ATRN: variants seen among roughly 807,000 people sequenced by gnomAD.
ATRN encodes the protein attractin.
Under a neutral mutation model 178.7 loss-of-function variants are expected in ATRN, and 54 were observed. The ratio of observed to expected loss-of-function variants is 0.30; its 90% CI spans 0.24 to 0.38. The LOEUF (loss-of-function observed/expected upper bound fraction) is 0.38. ATRN is among the 10% of genes least tolerant of loss of function. The pLI, the probability that ATRN is intolerant of heterozygous loss-of-function variation, is 1.00. For synonymous variants in ATRN, 636 were observed against 663.0 expected (o/e 0.96, Z 0.63); for missense variants, 1,443 against 1,815.1 (o/e 0.79, Z 3.73).
chr20:3,606,733 G>A lies in ATRN; in HGVS notation c.3801+2471G>A, dbSNP rs559489901. On this transcript the variant is annotated intron_variant, in intron 24 of 28. Transcript: ENST00000262919. ...TATTTCCTTACTTTACACGTTGTTG[G>A]ATTCAGTTTGCTAATATTTTGGTTA... Among the ~76,000 whole-genome samples, 14 of 152,278 alleles carry A rather than the reference G, an allele frequency of 9.2e-5. No homozygotes were observed. The South Asian group carries it at 2.3e-3, about 25-fold the overall frequency.
Position 3,487,990 on chromosome 20 carries a change from T to C in ATRN, c.410+16473T>C, listed in dbSNP as rs546710954. Among the ~76,000 whole-genome samples the C allele has an allele frequency of 2.8e-4, 42 of 152,328 alleles. No homozygotes were observed. In the South Asian group the frequency reaches 8.7e-3, roughly 32 times the overall value. ...GACCTAGGCCTCAGTGTCTTCCTTTTGAGCATTTAGATCCAGATTATTTTA... is the reference window on the plus strand; with the variant it reads ...GACCTAGGCCTCAGTGTCTTCCTTTCGAGCATTTAGATCCAGATTATTTTA... On this transcript the variant is annotated intron_variant, in intron 1 of 28. Transcript: ENST00000262919.
chr20:3,597,255 C>T (rs938216718), intron 21 of ATRN, among the ~76,000 whole-genome samples: 5 of 151,834 alleles, frequency 3.3e-5, no homozygotes, highest in African/African-American at 1.2e-4. Flanking sequence ...AGAAAATACT[C>T]GCACATCATC....
rs235551 is a variant in ATRN at position 3,638,048 on chromosome 20, A to G, written c.3943-780A>G. Among the ~76,000 whole-genome samples the G allele has an allele frequency of 0.87, 131,988 of 152,218 alleles. 57,618 individuals are homozygous for G. The highest frequency in any genetic ancestry group is 1 in the East Asian group (5,175 of 5,182). Reference sequence around the variant, plus strand: ...TAGTAGTAGAAATACGAGGAGATAGAGCCACACCATTTTATGTATTTGACA... The same window carrying G: ...TAGTAGTAGAAATACGAGGAGATAGGGCCACACCATTTTATGTATTTGACA... On this transcript the variant is annotated intron_variant, in intron 26 of 28. Coordinates refer to ENST00000262919, the MANE Select transcript of ATRN (RefSeq NM_139321.3). The surrounding 1 kb of genome is among the most constrained non-coding windows in gnomAD (Gnocchi z 4.5).
chr20:3,630,876 T>G (rs1225999247), intron 25 of ATRN, among the ~76,000 whole-genome samples: 1 of 143,640 alleles, frequency 7.0e-6, no homozygotes, highest in African/African-American at 2.6e-5. Flanking sequence ...GAAAATATTT[T>G]CCCAGGACAA....
At chr20:3,603,375 G>A (rs1423178179) in intron 23 of ATRN, among the ~76,000 whole-genome samples, 1 of 152,146 alleles carries the variant, frequency 6.6e-6, no homozygotes. Flanking sequence ...GCCAGTGCTT[G>A]TTAATAGGAT....
At chr20:3,613,383 C>G (rs1051896393) in intron 24 of ATRN, among the ~76,000 whole-genome samples, 1 of 152,172 alleles carries the variant, frequency 6.6e-6, no homozygotes, top group African/African-American at 2.4e-5. Flanking sequence ...CCGTATCTGG[C>G]TGTGCGCTAT....
intron 25 of ATRN, among the ~76,000 whole-genome samples, chr20:3,624,811 G>A (rs1212192158): frequency 1.3e-5 from 2 of 152,178 alleles, no homozygotes; most frequent in Non-Finnish European, 2.9e-5. Flanking sequence ...GGCTTTGCAT[G>A]TATCCTGTAT....
intron 28 of ATRN, 93 bp from the exon 29 acceptor site, chr20:3,646,630 C>T: frequency 7.0e-7 from 1 of 1,432,690 alleles, no homozygotes; most frequent in Non-Finnish European, 9.2e-7. Context: ...TGTTTTGCAC[C>T]ATGGGATTGA....
chr20:3,576,789 A>G (rs1424645120), intron 13 of ATRN, 70 bp from the exon 14 acceptor site: 3 of 1,546,870 alleles, frequency 1.9e-6, no homozygotes, highest in Non-Finnish European at 2.6e-6. Context: ...TGTCTATAAT[A>G]TCCTGTTGGT....
intron 24 of ATRN, among the ~76,000 whole-genome samples, chr20:3,616,708 G>T (rs1330990420): frequency 6.6e-6 from 1 of 152,172 alleles, no homozygotes; most frequent in Non-Finnish European, 1.5e-5. Flanking sequence ...CCGACGATCA[G>T]TGTTTAGAAA....
At chr20:3,500,217 C>G (rs181933235) in intron 1 of ATRN, among the ~76,000 whole-genome samples, 1 of 152,124 alleles carries the variant, frequency 6.6e-6, no homozygotes, top group African/African-American at 2.4e-5. Context: ...GAAATAGGAA[C>G]GCTTTTACAC....
chr20:3,577,805 C>T (rs2086232336), intron 14 of ATRN, among the ~76,000 whole-genome samples: 1 of 152,104 alleles, frequency 6.6e-6, no homozygotes, highest in Non-Finnish European at 1.5e-5. Context: ...TAGTCGACTG[C>T]TACACTGTGA....
At chr20:3,549,962 C>G (rs1368435824) in intron 6 of ATRN, among the ~76,000 whole-genome samples, 1 of 152,178 alleles carries the variant, frequency 6.6e-6, no homozygotes, top group Admixed American at 6.5e-5. Flanking sequence ...TGCATCCCCC[C>G]AAACATAGTC....
chr20:3,592,981 A>G (rs1388390686), intron 19 of ATRN, among the ~76,000 whole-genome samples: 2 of 152,230 alleles, frequency 1.3e-5, no homozygotes, highest in East Asian at 1.9e-4. Context: ...CAGTAACCAG[A>G]GTACCTAACA....
intron 2 of ATRN, among the ~76,000 whole-genome samples, chr20:3,538,530 C>T (rs61130143): frequency 6.6e-6 from 1 of 152,296 alleles, no homozygotes; most frequent in East Asian, 1.9e-4. Flanking sequence ...TTCATTGCCA[C>T]CTGACACCCT....
intron 3 of ATRN, among the ~76,000 whole-genome samples, chr20:3,545,250 C>T (rs369109338): frequency 6.6e-6 from 1 of 151,788 alleles, no homozygotes; most frequent in South Asian, 2.1e-4. Context: ...CACCTGTAAT[C>T]CCAGCTACTC....
In ATRN at chr20:3,616,519, A is replaced by C. The variant is rs568280194; in HGVS notation, c.3802-7992A>C. On this transcript the variant is annotated intron_variant, in intron 24 of 28. Coordinates refer to ENST00000262919, the MANE Select transcript of ATRN (RefSeq NM_139321.3). ...GGGGAAGGGGGTGTTCGTGGTGGGG[A>C]AAGGAAATGACCAGCCCTTTCAGGA... Among the ~76,000 whole-genome samples the C allele has an allele frequency of 5.1e-4, 77 of 152,022 alleles. 1 individual carries two copies. The highest frequency in any genetic ancestry group is 9.3e-4 in the Non-Finnish European group (63 of 67,976).
At chr20:3,514,933 G>T (rs1201685751) in intron 1 of ATRN, among the ~76,000 whole-genome samples, 1 of 152,038 alleles carries the variant, frequency 6.6e-6, no homozygotes, top group Non-Finnish European at 1.5e-5. Context: ...TTCCAGCCTT[G>T]GTGACAAAGC....
chr20:3,639,623 G>A, intron 27 of ATRN, among the ~76,000 whole-genome samples: 1 of 151,972 alleles, frequency 6.6e-6, no homozygotes. Context: ...AATACTCTGT[G>A]GAAAATATTT....
Sources: allele counts gnomAD v4.1 joint callset (sites outside exome capture counted in the v4.1 genomes callset), GRCh38; gene constraint gnomAD v4.1.1; non-coding constraint Gnocchi (gnomAD v3.1); transcripts MANE v1.5; gene names NCBI Gene and HGNC (gene_info 2026-07-23, HGNC 2026-07-21).